PPM1H: variants seen among roughly 807,000 people sequenced by gnomAD.
PPM1H encodes protein phosphatase 1H.
A neutral mutation model predicts 54.9 loss-of-function variants in PPM1H; 27 were observed. That is an observed-to-expected ratio of 0.49 (90% CI 0.36 to 0.68). The LOEUF is 0.68. Among genes scored for constraint, PPM1H ranks in the 30% least tolerant of loss-of-function variants. The pLI is 0.00. For missense variants in PPM1H, 596 were observed against 667.8 expected (o/e 0.89, Z 1.19); for synonymous variants, 305 against 270.8 (o/e 1.13, Z -1.24).
rs542237263 is a variant in PPM1H at position 62,916,334 on chromosome 12, A to T, written c.245+18158T>A. Among the ~76,000 whole-genome samples, 3 of 152,324 alleles carry T rather than the reference A, an allele frequency of 2.0e-5. No individual in the cohort carries two copies. In the South Asian group the frequency reaches 6.2e-4, roughly 32 times the overall value. ...GATCATACATCATCTTCTTTAATAA[A>T]CAATCTTAACTATCAAACCATTTAA... On this transcript the variant is annotated intron_variant, in intron 1 of 9. Coordinates refer to ENST00000228705, the MANE Select transcript of PPM1H (RefSeq NM_020700.2).
intron 4 of PPM1H, among the ~76,000 whole-genome samples, chr12:62,783,121 T>G (rs994940821): frequency 6.6e-6 from 1 of 152,220 alleles, no homozygotes; most frequent in Non-Finnish European, 1.5e-5. Flanking sequence ...CATGAGCCAC[T>G]GCACTCGGCC....
chr12:62,913,311 C>A (rs193067872), intron 1 of PPM1H, among the ~76,000 whole-genome samples: 128 of 152,232 alleles, frequency 8.4e-4, no homozygotes, highest in African/African-American at 2.8e-3. Flanking sequence ...GAGTGAGCAG[C>A]GACAATTACT....
chr12:62,933,664 G>A (rs950504731), intron 1 of PPM1H, among the ~76,000 whole-genome samples: 7 of 152,098 alleles, frequency 4.6e-5, no homozygotes, highest in African/African-American at 1.7e-4. Context: ...TTCATAAGAT[G>A]GTTATTAATA....
chr12:62,654,217 CAAAA>C lies in PPM1H; in HGVS notation c.1398-5585_1398-5582del, dbSNP rs57812590. ...TGGGTGACAGAGAGAGACTCTTTCT[CAAAA>C]AAAAAAAAAAAAAAAAAAAAGCAAC... is the stretch of plus-strand genomic sequence containing the variant. On this transcript the variant is annotated intron_variant, in intron 9 of 9. Coordinates refer to ENST00000228705, the MANE Select transcript of PPM1H (RefSeq NM_020700.2). Among the ~76,000 whole-genome samples, 318 of 65,442 alleles carry C rather than the reference CAAAA, an allele frequency of 4.9e-3. 1 individual carries two copies. The Middle Eastern group carries it at 0.062, about 13-fold the overall frequency. 42.9% of individuals were successfully genotyped at this position (65,442 alleles called of 152,430 possible).
intron 1 of PPM1H, among the ~76,000 whole-genome samples, chr12:62,883,497 A>G: frequency 6.6e-6 from 1 of 152,186 alleles, no homozygotes. Context: ...GGCATGAAGT[A>G]TTGGCAGGGC....
At chr12:62,744,976 A>G (rs1335193011) in intron 4 of PPM1H, among the ~76,000 whole-genome samples, 1 of 152,076 alleles carries the variant, frequency 6.6e-6, no homozygotes, top group African/African-American at 2.4e-5. Flanking sequence ...CCAGACCTTC[A>G]CCTGGTGCCG....
At chr12:62,694,280 T>G (rs1202900736) in intron 6 of PPM1H, among the ~76,000 whole-genome samples, 1 of 152,148 alleles carries the variant, frequency 6.6e-6, no homozygotes, top group Non-Finnish European at 1.5e-5. Flanking sequence ...TTAGGGTCTG[T>G]GTAATAATGA....
At chr12:62,899,235 A>T (rs959412014) in intron 1 of PPM1H, among the ~76,000 whole-genome samples, 6 of 152,180 alleles carry the variant, frequency 3.9e-5, no homozygotes, top group Middle Eastern at 3.4e-3. Flanking sequence ...CTGGGGAAAG[A>T]CACAAAAAGG....
intron 9 of PPM1H, among the ~76,000 whole-genome samples, chr12:62,665,418 A>G (rs2075912374): frequency 6.6e-6 from 1 of 152,174 alleles, no homozygotes; most frequent in Non-Finnish European, 1.5e-5. Flanking sequence ...TAGGTTTAGT[A>G]TTGACAAAAA....
rs571667817 is a variant in PPM1H, at chr12:62,699,045, T to C, written c.1074-5046A>G. On this transcript the variant is annotated intron_variant, in intron 6 of 9. Coordinates refer to ENST00000228705, the MANE Select transcript of PPM1H (RefSeq NM_020700.2). ...CTGAAAAAATTGCTAAGTGGAATCA[T>C]TAGAGACCTTCCTACTGGCCAAGCT... is the stretch of plus-strand genomic sequence containing the variant. Among the ~76,000 whole-genome samples the C allele has an allele frequency of 5.3e-4, 81 of 152,270 alleles. 1 individual carries two copies. The highest frequency in any genetic ancestry group is 1.9e-3 in the African/African-American group (80 of 41,560).
Position 62,648,718 on chromosome 12 carries a change from C to T in PPM1H, c.1398-82G>A, listed in dbSNP as rs544586853. 161 of 1,457,180 alleles carry T rather than the reference C, an allele frequency of 1.1e-4. 1 individual carries two copies. In the African/African-American group the frequency reaches 1.5e-3, roughly 14 times the overall value. The allele number at this position is 1,457,180 out of a possible 1,614,324, so 90.3% of individuals were successfully genotyped here. On this transcript the variant is annotated intron_variant, in intron 9 of 9. Coordinates refer to ENST00000228705, the MANE Select transcript of PPM1H (RefSeq NM_020700.2). ...TCAAGTGAGGCTGGGAAGGGGGAGG[C>T]ATCACTACAGTTGTATAAATAAGTT...
intron 6 of PPM1H, among the ~76,000 whole-genome samples, chr12:62,703,950 C>T (rs953128633): frequency 2.7e-5 from 4 of 148,780 alleles, no homozygotes; most frequent in African/African-American, 1.0e-4. Context: ...CTCTTCCCCC[C>T]TCACTACATG....
chr12:62,811,457 C>T (rs2076834838), intron 2 of PPM1H, among the ~76,000 whole-genome samples: 1 of 152,188 alleles, frequency 6.6e-6, no homozygotes, highest in South Asian at 2.1e-4. Context: ...TCATCTCGCT[C>T]TACTGTGCAA....
chr12:62,782,127 G>A (rs980291199), intron 4 of PPM1H, among the ~76,000 whole-genome samples: 1 of 152,186 alleles, frequency 6.6e-6, no homozygotes, highest in Non-Finnish European at 1.5e-5. Flanking sequence ...TCAGAGGAAG[G>A]CTACTAACAG....
At chr12:62,787,559 C>G (rs764730923) in intron 4 of PPM1H, among the ~76,000 whole-genome samples, 2 of 152,198 alleles carry the variant, frequency 1.3e-5, no homozygotes, top group Non-Finnish European at 2.9e-5. Context: ...GGTGGTGCAA[C>G]CTGTAATCCC....
intron 2 of PPM1H, among the ~76,000 whole-genome samples, chr12:62,809,346 C>T (rs1388192602): frequency 1.3e-5 from 2 of 152,158 alleles, no homozygotes; most frequent in East Asian, 3.9e-4. Flanking sequence ...CTACCAGGCC[C>T]GGCCTGTACA....
chr12:62,855,680 A>C (rs1247882989), intron 1 of PPM1H, among the ~76,000 whole-genome samples: 1 of 152,192 alleles, frequency 6.6e-6, no homozygotes, highest in East Asian at 1.9e-4. Flanking sequence ...TAAAGCACCC[A>C]TGTTATTCCA....
chr12:62,801,577 A>T (rs2076769802), intron 3 of PPM1H, among the ~76,000 whole-genome samples: 1 of 152,100 alleles, frequency 6.6e-6, no homozygotes, highest in Non-Finnish European at 1.5e-5. Context: ...AAGTGCTGGG[A>T]TTTCAAGCGT....
chr12:62,676,632 C>T (rs1017315991), intron 8 of PPM1H, among the ~76,000 whole-genome samples: 2 of 152,268 alleles, frequency 1.3e-5, no homozygotes, highest in East Asian at 1.9e-4. Flanking sequence ...ACTGTCGTGA[C>T]CCGGCTGGGT....
Sources: gnomAD v4.1 joint callset for allele counts (sites outside exome capture counted in the v4.1 genomes callset) on GRCh38, gnomAD v4.1.1 for gene constraint, MANE v1.5 for transcripts, NCBI Gene and HGNC (gene_info 2026-07-23, HGNC 2026-07-21) for gene names.